Variants in BMP6 observed in about 807,000 individuals in gnomAD.
The protein encoded by BMP6 is VG-1-R.
A neutral mutation model predicts 54.1 loss-of-function variants in BMP6; 17 were observed. The observed-to-expected ratio is 0.31, with a 90% CI of 0.22 to 0.47. BMP6 has a LOEUF of 0.47. Among genes scored for constraint, BMP6 ranks in the 20% least tolerant of loss-of-function variants. The pLI is 1.00. For missense variants in BMP6, 720 were observed against 690.4 expected, an observed-to-expected ratio of 1.04 and a Z score of -0.48; for synonymous variants, 328 against 291.2, an observed-to-expected ratio of 1.13 and a Z score of -1.28.
At chr6:7,872,504 C>T (rs1221414301) in intron 4 of BMP6, among the ~76,000 whole-genome samples, 1 of 152,192 alleles carries the variant, frequency 6.6e-6, no homozygotes, top group Non-Finnish European at 1.5e-5. Flanking sequence ...TCCTCCTTTT[C>T]CTCTCTCTGG....
chr6:7,760,748 G>A (rs1044141096), intron 1 of BMP6, among the ~76,000 whole-genome samples: 3 of 152,222 alleles, frequency 2.0e-5, no homozygotes, highest in East Asian at 1.9e-4. Context: ...GATTACAGGC[G>A]TGAGCCACCG....
chr6:7,867,946 T>A (rs1281031764), intron 4 of BMP6, among the ~76,000 whole-genome samples: 1 of 152,134 alleles, frequency 6.6e-6, no homozygotes, highest in Non-Finnish European at 1.5e-5. Flanking sequence ...TAAAAGGCAA[T>A]AAGAAGAAGC....
intron 1 of BMP6, among the ~76,000 whole-genome samples, chr6:7,750,137 A>G (rs1757400902): frequency 6.6e-6 from 1 of 152,222 alleles, no homozygotes; most frequent in Admixed American, 6.5e-5. Flanking sequence ...CTACATCAAC[A>G]TTGAAACATT....
At chr6:7,748,882 T>C (rs62389991) in intron 1 of BMP6, among the ~76,000 whole-genome samples, 12,222 of 152,292 alleles carry the variant, frequency 0.08, 600 homozygotes, top group Admixed American at 0.12. Context: ...TCCTGCTATG[T>C]TATGATGATG....
At chr6:7,834,406 C>G (rs567470934) in intron 1 of BMP6, among the ~76,000 whole-genome samples, 1 of 151,076 alleles carries the variant, frequency 6.6e-6, no homozygotes, top group Non-Finnish European at 1.5e-5. Flanking sequence ...TTAGAAAATG[C>G]AAGACAATAA....
chr6:7,813,111 ATATATATAT>A lies in BMP6; in HGVS notation c.665-32028_665-32020del, dbSNP rs1758462371. Among the ~76,000 whole-genome samples the A allele has an allele frequency of 1.0e-3, 41 of 40,204 alleles. 1 individual carries two copies. Among genetic ancestry groups the A allele is most frequent in the South Asian group, 2.6e-3 (2 of 768 alleles). The allele number at this position is 40,204 out of a possible 152,430, so 26.4% of individuals were successfully genotyped here. A position where few individuals can be genotyped will look rare whatever the true frequency, so the allele number is the denominator to read the frequency against. On this transcript the variant is annotated intron_variant, in intron 1 of 6. Transcript: ENST00000283147. The stretch of plus-strand genomic sequence containing the variant: ...CAAAAAAAAAAAAAAAAAAAAAAAT[ATATATATAT>A]ATATATATATATATATATATATATA...
At chr6:7,870,539 T>G (rs1759507407) in intron 4 of BMP6, among the ~76,000 whole-genome samples, 1 of 152,228 alleles carries the variant, frequency 6.6e-6, no homozygotes, top group Non-Finnish European at 1.5e-5. Flanking sequence ...CTCTGCCACC[T>G]TCTTTTCCAC....
rs1255155210 is a variant in BMP6 at position 7,726,887 on chromosome 6, C to T, written c.-69C>T. 6.0e-6 allele frequency: 6 copies of T among 998,972 alleles called. No homozygotes were observed. The highest frequency in any genetic ancestry group is 7.2e-6 in the Non-Finnish European group (6 of 832,102). 61.9% of individuals were successfully genotyped at this position (998,972 alleles called of 1,614,324 possible). ...CTGCTCACGCCAAGGGCCACAGCGG[C>T]CGCGCTCCGGCCTCGCTCCGCCGCT... On this transcript the variant is annotated 5_prime_UTR_variant, in exon 1 of 7. Coordinates refer to ENST00000283147, the MANE Select transcript of BMP6 (RefSeq NM_001718.6).
chr6:7,768,880 A>G (rs909440627), intron 1 of BMP6, among the ~76,000 whole-genome samples: 1 of 151,214 alleles, frequency 6.6e-6, no homozygotes, highest in Non-Finnish European at 1.5e-5. Context: ...TCTGTCATAT[A>G]TTATAGTTAC....
chr6:7,786,567 T>A (rs1409170272), intron 1 of BMP6, among the ~76,000 whole-genome samples: 1 of 151,636 alleles, frequency 6.6e-6, no homozygotes, highest in Non-Finnish European at 1.5e-5. Flanking sequence ...GCCATGACAT[T>A]CTCCCAACCA....
intron 1 of BMP6, among the ~76,000 whole-genome samples, 181 bp from the exon 2 acceptor site, chr6:7,844,959 T>G (rs1759037485): frequency 6.6e-6 from 1 of 152,174 alleles, no homozygotes; most frequent in South Asian, 2.1e-4. Context: ...TTGGGTAACA[T>G]GAAGGATTTT....
At chr6:7,786,553 C>G (rs1758023558) in intron 1 of BMP6, among the ~76,000 whole-genome samples, 1 of 148,420 alleles carries the variant, frequency 6.7e-6, no homozygotes, top group Non-Finnish European at 1.5e-5. Context: ...TCCTTGCATT[C>G]TATGCCATGA....
At chr6:7,787,305 G>C (rs1344385668) in intron 1 of BMP6, among the ~76,000 whole-genome samples, 1 of 152,190 alleles carries the variant, frequency 6.6e-6, no homozygotes, top group African/African-American at 2.4e-5. Context: ...GAGTGAGTCA[G>C]TGTCTGAAAA....
intron 2 of BMP6, among the ~76,000 whole-genome samples, chr6:7,849,135 C>T (rs1052551026): frequency 1.3e-5 from 2 of 152,194 alleles, no homozygotes; most frequent in Non-Finnish European, 2.9e-5. Flanking sequence ...CCTTATGACA[C>T]ATCCTCACAC....
At chr6:7,756,499 TTTTC>T (rs1455502241) in intron 1 of BMP6, among the ~76,000 whole-genome samples, 1 of 152,224 alleles carries the variant, frequency 6.6e-6, no homozygotes, top group Non-Finnish European at 1.5e-5. Context: ...ATGGATTGAT[TTTTC>T]TTTTAGTTAT....
At chr6:7,874,819 CT>C (rs34780365) in intron 4 of BMP6, among the ~76,000 whole-genome samples, 74,404 of 151,682 alleles carry the variant, frequency 0.49, 19,481 homozygotes, top group East Asian at 0.76. Context: ...AGATAGCACA[CT>C]TGCCACCCTG....
chr6:7,761,394 A>G (rs911348976), intron 1 of BMP6, among the ~76,000 whole-genome samples: 2 of 152,242 alleles, frequency 1.3e-5, no homozygotes, highest in African/African-American at 4.8e-5. Flanking sequence ...GGAGCACAGT[A>G]TATTATTTTA....
chr6:7,731,523 G>A (rs757267846), intron 1 of BMP6, among the ~76,000 whole-genome samples: 7 of 152,140 alleles, frequency 4.6e-5, no homozygotes, highest in Non-Finnish European at 8.8e-5. Context: ...CTCCAAAGGC[G>A]GAAACCACGC....
chr6:7,744,865 C>T (rs966608620), intron 1 of BMP6, among the ~76,000 whole-genome samples: 1 of 152,190 alleles, frequency 6.6e-6, no homozygotes, highest in Non-Finnish European at 1.5e-5. Flanking sequence ...TCCTGCTGGC[C>T]AGCCTGGTGC....
Sources: gnomAD v4.1 joint callset for allele counts (sites outside exome capture counted in the v4.1 genomes callset) on GRCh38, gnomAD v4.1.1 for gene constraint, MANE v1.5 for transcripts, NCBI Gene and HGNC (gene_info 2026-07-23, HGNC 2026-07-21) for gene names.